MMP16: variants seen among roughly 807,000 people sequenced by gnomAD.
The protein encoded by MMP16 is matrix metallopeptidase 16.
In MMP16, 12 loss-of-function variants were observed where a neutral mutation model predicts 67.8. That is an observed-to-expected ratio of 0.18 (90% CI 0.11 to 0.29). The LOEUF is 0.29. MMP16 is among the 10% of genes least tolerant of loss of function. MMP16 has a pLI of 1.00. For missense variants in MMP16, 475 were observed against 765.7 expected, an observed-to-expected ratio of 0.62 and a Z score of 4.48; for synonymous variants, 249 against 255.9, an observed-to-expected ratio of 0.97 and a Z score of 0.26.
intron 6 of MMP16, among the ~76,000 whole-genome samples, chr8:88,106,418 G>A (rs1167466926): frequency 6.6e-6 from 1 of 151,164 alleles, no homozygotes; most frequent in African/African-American, 2.4e-5. Flanking sequence ...CCTCTTGCTG[G>A]ACATTTACAT....
intron 1 of MMP16, among the ~76,000 whole-genome samples, chr8:88,303,305 T>C (rs1045168319): frequency 6.6e-6 from 1 of 152,176 alleles, no homozygotes; most frequent in East Asian, 1.9e-4. Context: ...CAGGTTGGGG[T>C]CTGCCTGAGA....
intron 1 of MMP16, among the ~76,000 whole-genome samples, chr8:88,271,116 G>A (rs775693611): frequency 6.6e-6 from 1 of 152,156 alleles, no homozygotes; most frequent in Non-Finnish European, 1.5e-5. Flanking sequence ...AATGAATGAA[G>A]TAAAACATGA....
intron 1 of MMP16, among the ~76,000 whole-genome samples, chr8:88,251,422 C>A (rs10156325): frequency 0.56 from 79,622 of 143,394 alleles, 24,636 homozygotes; most frequent in East Asian, 0.87. Flanking sequence ...AATGGTGCTG[C>A]GAAAACTGGC....
chr8:88,150,920 G>A (rs1348318024), intron 4 of MMP16, among the ~76,000 whole-genome samples: 4 of 134,646 alleles, frequency 3.0e-5, no homozygotes, highest in African/African-American at 5.6e-5. Flanking sequence ...AGACTGGCAA[G>A]TTGGATAAAG....
chr8:88,304,046 A>G (rs1263810879), intron 1 of MMP16, among the ~76,000 whole-genome samples: 8 of 152,208 alleles, frequency 5.3e-5, no homozygotes, highest in Admixed American at 1.3e-4. Context: ...ACTAAGAATC[A>G]TGATAAAAAC....
At chr8:88,143,600 A>G (rs1808246700) in intron 4 of MMP16, among the ~76,000 whole-genome samples, 1 of 152,086 alleles carries the variant, frequency 6.6e-6, no homozygotes, top group East Asian at 1.9e-4. Context: ...CTTGCATGCC[A>G]CAAACTTGCA....
chr8:88,147,353 C>A (rs979910548), intron 4 of MMP16, among the ~76,000 whole-genome samples: 1 of 151,994 alleles, frequency 6.6e-6, no homozygotes, highest in Non-Finnish European at 1.5e-5. Context: ...TTATGGTTTA[C>A]ATGCTATTAT....
At chr8:88,248,410 G>C (rs1759462141) in intron 1 of MMP16, among the ~76,000 whole-genome samples, 1 of 152,070 alleles carries the variant, frequency 6.6e-6, no homozygotes, top group Admixed American at 6.6e-5. Flanking sequence ...CAACAATGTA[G>C]ATTGTGAAAT....
intron 7 of MMP16, among the ~76,000 whole-genome samples, chr8:88,072,400 G>C (rs572231609): frequency 6.6e-6 from 1 of 152,174 alleles, no homozygotes; most frequent in African/African-American, 2.4e-5. Context: ...ATGCTTTATT[G>C]AGCGGGAGAG....
At chr8:88,205,217 A>T (rs1188899587) in intron 1 of MMP16, among the ~76,000 whole-genome samples, 1 of 152,210 alleles carries the variant, frequency 6.6e-6, no homozygotes, top group Non-Finnish European at 1.5e-5. Context: ...CATCAATAGT[A>T]AAAAGGAGGA....
chr8:88,061,001 T>C (rs1338088720), intron 7 of MMP16, among the ~76,000 whole-genome samples: 1 of 134,486 alleles, frequency 7.4e-6, no homozygotes, highest in Middle Eastern at 3.6e-3. Context: ...AGTGGGAAAA[T>C]ATAAGGCATG....
intron 1 of MMP16, among the ~76,000 whole-genome samples, chr8:88,301,594 A>T (rs540377089): frequency 1.3e-5 from 2 of 152,298 alleles, no homozygotes; most frequent in South Asian, 4.1e-4. Context: ...GGAATATGAC[A>T]TTATGTGTAT....
intron 4 of MMP16, among the ~76,000 whole-genome samples, chr8:88,149,552 C>T (rs1005030186): frequency 1.3e-5 from 2 of 152,092 alleles, no homozygotes; most frequent in Admixed American, 6.6e-5. Flanking sequence ...GGTCCCTGAC[C>T]CCTGACCCCC....
chr8:88,163,890 C>T (rs1181078319), intron 4 of MMP16, among the ~76,000 whole-genome samples: 2 of 151,854 alleles, frequency 1.3e-5, no homozygotes, highest in African/African-American at 4.8e-5. Flanking sequence ...ATTCATTCCA[C>T]AAAAATAAAA....
chr8:88,066,615 T>C (rs1290693549), intron 7 of MMP16, among the ~76,000 whole-genome samples: 4 of 151,862 alleles, frequency 2.6e-5, no homozygotes, highest in Non-Finnish European at 5.9e-5. Context: ...GAAAGCCCTG[T>C]GGGTTTGTAC....
chr8:88,075,734 A>C (rs995635861), intron 6 of MMP16, among the ~76,000 whole-genome samples: 1 of 152,148 alleles, frequency 6.6e-6, no homozygotes, highest in African/African-American at 2.4e-5. Flanking sequence ...GCAATATTTC[A>C]CTTGGAAGTT....
intron 7 of MMP16, among the ~76,000 whole-genome samples, chr8:88,063,653 T>C (rs1343116702): frequency 6.6e-6 from 1 of 151,994 alleles, no homozygotes; most frequent in African/African-American, 2.4e-5. Context: ...TTCATTTATT[T>C]TACAGGTCAA....
intron 4 of MMP16, among the ~76,000 whole-genome samples, chr8:88,134,172 CCAG>C (rs1215140202): frequency 1.3e-5 from 2 of 151,678 alleles, no homozygotes; most frequent in African/African-American, 4.8e-5. Context: ...AACTCTAACT[CCAG>C]CAATATGTCA....
intron 1 of MMP16, among the ~76,000 whole-genome samples, chr8:88,200,964 G>T (rs1712000757): frequency 6.6e-6 from 1 of 151,706 alleles, no homozygotes; most frequent in South Asian, 2.1e-4. Flanking sequence ...ATTCCCTCTA[G>T]CCTTGAAGCT....
Sources: gnomAD v4.1 joint callset for allele counts (sites outside exome capture counted in the v4.1 genomes callset) on GRCh38, gnomAD v4.1.1 for gene constraint, MANE v1.5 for transcripts, NCBI Gene and HGNC (gene_info 2026-07-23, HGNC 2026-07-21) for gene names.